The following MAP2 variants were observed in gnomAD, a reference collection of about 807,000 sequenced individuals.
MAP2 encodes the protein microtubule associated protein 2, also known as microtubule-associated protein 2.
Under a neutral mutation model 137.6 loss-of-function variants are expected in MAP2, and 14 were observed. The ratio of observed to expected loss-of-function variants is 0.10; its 90% CI spans 0.07 to 0.16. The LOEUF (loss-of-function observed/expected upper bound fraction) is 0.16, where lower values mean the gene tolerates loss of function less well. MAP2 is among the 10% of genes least tolerant of loss of function. The pLI, the probability that MAP2 is intolerant of heterozygous loss-of-function variation, is 1.00. For missense variants in MAP2, 2,088 were observed against 2,191.5 expected (o/e 0.95, Z 0.94); for synonymous variants, 786 against 782.3 (o/e 1.00, Z -0.08).
At chr2:209,434,889 A>C (rs1695437708) in intron 1 of MAP2, among the ~76,000 whole-genome samples, 2 of 137,758 alleles carry the variant, frequency 1.5e-5, no homozygotes, top group African/African-American at 5.7e-5. Flanking sequence ...TATATGTTAT[A>C]TATATGTTAT....
chr2:209,614,645 C>G (rs1044096455), intron 3 of MAP2, among the ~76,000 whole-genome samples: 1 of 152,080 alleles, frequency 6.6e-6, no homozygotes, highest in Non-Finnish European at 1.5e-5. Context: ...TTAAGAGAAA[C>G]TCACTTTTTA....
intron 1 of MAP2, among the ~76,000 whole-genome samples, chr2:209,487,837 C>T (rs1255049541): frequency 6.6e-6 from 1 of 151,894 alleles, no homozygotes; most frequent in African/African-American, 2.4e-5. Context: ...AGTAAGGTAG[C>T]CTCTTAAACT....
intron 4 of MAP2, among the ~76,000 whole-genome samples, chr2:209,640,886 T>TC (rs1437185130): frequency 6.6e-6 from 1 of 151,604 alleles, no homozygotes; most frequent in African/African-American, 2.4e-5. Flanking sequence ...TATTCTTTTT[T>TC]TTTTTTTTGT....
At chr2:209,442,009 G>T (rs1306150748) in intron 1 of MAP2, among the ~76,000 whole-genome samples, 1 of 151,364 alleles carries the variant, frequency 6.6e-6, no homozygotes, top group Admixed American at 6.6e-5. Context: ...TGTTTCCTCA[G>T]GATTGTCTAT....
chr2:209,617,717 C>G (rs1487729067), intron 3 of MAP2, among the ~76,000 whole-genome samples: 2 of 151,924 alleles, frequency 1.3e-5, no homozygotes, highest in African/African-American at 4.8e-5. Context: ...AATCACCTCC[C>G]TAAAGGCCTT....
chr2:209,696,916 G>A lies in MAP2; in HGVS notation c.4388-1G>A. 1 of 1,594,790 alleles carries A rather than the reference G, an allele frequency of 6.3e-7. No homozygotes were observed. The highest frequency in any genetic ancestry group is 8.5e-7 in the Non-Finnish European group (1 of 1,175,022). ...TGCTTTTTGTGTTTTCTTATTCATA[G>A]CAGTTTATAAGAAGGCTGAACTTGC... On this transcript the variant is annotated splice_acceptor_variant, in intron 9 of 15. Transcript: ENST00000682079. LOFTEE classifies it high-confidence loss of function.
rs778357633 is a variant in MAP2 at position 209,710,069 on chromosome 2, G to A, written c.4888G>A (p.Gly1630Arg). ...CTATCCCAGGACCCCTCACACACCA[G>A]GAACCCCCAAGTCTGCCATCTTGGT... The part of the protein sequence containing the change: ...PSYPRTPHTP[G>R]TPKSAILVPS... Residue 1630 changes from glycine to arginine, a missense_variant, in exon 13 of 16, where the codon GGA becomes AGA. Gly to Arg is a moderately radical substitution (Grantham distance 125, BLOSUM62 -2). Coordinates refer to ENST00000682079, the MANE Select transcript of MAP2 (RefSeq NM_001375505.1). 12 of 1,613,910 alleles carry A rather than the reference G, an allele frequency of 7.4e-6. No homozygotes were observed. The South Asian group carries it at 1.3e-4, about 18-fold the overall frequency.
chr2:209,703,480 A>T (rs2062374749), intron 11 of MAP2, among the ~76,000 whole-genome samples: 1 of 152,076 alleles, frequency 6.6e-6, no homozygotes, highest in Non-Finnish European at 1.5e-5. Flanking sequence ...TCATTATAAA[A>T]CTTATGAATT....
intron 1 of MAP2, among the ~76,000 whole-genome samples, chr2:209,465,183 T>C (rs1009825753): frequency 1.3e-5 from 2 of 152,070 alleles, no homozygotes; most frequent in Non-Finnish European, 2.9e-5. Context: ...TGGTTAGGAC[T>C]AAGGTCTAAA....
Position 209,424,106 on chromosome 2 carries a change from A to ATCC in MAP2, c.-389_-387dup, listed in dbSNP as rs1316872387. 6.1e-6 allele frequency: 1 copy of ATCC among 162,852 alleles called. No homozygotes were observed. The highest frequency in any genetic ancestry group is 1.3e-5 in the Non-Finnish European group (1 of 76,242). The allele number at this position is 162,852 out of a possible 1,614,324, so 10.1% of individuals were successfully genotyped here. On this transcript the variant is annotated 5_prime_UTR_variant, in exon 1 of 16. Coordinates refer to ENST00000682079, the MANE Select transcript of MAP2 (RefSeq NM_001375505.1). ...GGGCAGCAGCAGCAGCAGCAGCAGC[A>ATCC]TCCTCTCTTCCTTTACTTCCCTTCC...
intron 4 of MAP2, among the ~76,000 whole-genome samples, chr2:209,626,139 C>A (rs1014983748): frequency 1.3e-5 from 2 of 151,896 alleles, no homozygotes; most frequent in Non-Finnish European, 2.9e-5. Context: ...TATTATAGGC[C>A]GGGTGTGGTG....
chr2:209,512,671 T>C (rs910624845), intron 2 of MAP2, among the ~76,000 whole-genome samples: 6 of 151,990 alleles, frequency 3.9e-5, no homozygotes, highest in African/African-American at 1.5e-4. Flanking sequence ...AGATAGGGCC[T>C]CACTCTGTTG....
At chr2:209,624,783 A>T (rs2091973424) in intron 3 of MAP2, among the ~76,000 whole-genome samples, 2 of 152,222 alleles carry the variant, frequency 1.3e-5, no homozygotes, top group Admixed American at 1.3e-4. Context: ...TGGATGTAAT[A>T]CCTATAAAGT....
At chr2:209,591,671 C>A (rs1302115944) in intron 3 of MAP2, among the ~76,000 whole-genome samples, 2 of 152,144 alleles carry the variant, frequency 1.3e-5, no homozygotes, top group Non-Finnish European at 2.9e-5. Context: ...AATCTCACAT[C>A]CCAGTGAAAA....
chr2:209,488,950 C>T (rs1162996622), intron 1 of MAP2, among the ~76,000 whole-genome samples: 1 of 152,238 alleles, frequency 6.6e-6, no homozygotes, highest in African/African-American at 2.4e-5. Context: ...AAGGGACAGA[C>T]TGCCTCCTCA....
At chr2:209,450,089 G>A (rs1297916546) in intron 1 of MAP2, among the ~76,000 whole-genome samples, 1 of 151,982 alleles carries the variant, frequency 6.6e-6, no homozygotes, top group African/African-American at 2.4e-5. Context: ...CTACAGACAT[G>A]TACCACCACG....
Position 209,695,715 on chromosome 2 carries a change from C to T in MAP2, c.3545C>T (p.Ala1182Val). 6.2e-7 allele frequency: 1 copy of T among 1,614,044 alleles called. No individual in the cohort carries two copies. Among genetic ancestry groups the T allele is most frequent in the Non-Finnish European group, 8.5e-7 (1 of 1,179,990 alleles). The change falls in exon 8 of 16, where the codon GCT becomes GTT. Residue 1182 changes from alanine (A) to valine (V), a missense_variant. Around this residue, in one of 6 missense-constraint regions of MAP2, gnomAD observed 591 missense variants for 642.6 expected, o/e 0.92. Transcript: ENST00000682079. ...CCTTGCCCACCTGCTGTTTCAGAGG[C>T]TGATTTAGCCACAGATGAGAGAGCT... ...EIPCPPAVSE[A>V]DLATDERADV...
At chr2:209,592,345 A>G (rs2079490002) in intron 3 of MAP2, among the ~76,000 whole-genome samples, 1 of 152,152 alleles carries the variant, frequency 6.6e-6, no homozygotes, top group Non-Finnish European at 1.5e-5. Flanking sequence ...TATTTGGCCC[A>G]CAAGTCATGA....
chr2:209,473,348 G>A (rs190606510), intron 1 of MAP2, among the ~76,000 whole-genome samples: 3 of 152,220 alleles, frequency 2.0e-5, no homozygotes, highest in East Asian at 3.9e-4. Flanking sequence ...GAGTAGAAAT[G>A]TTGCTTTCCT....
Sources: allele counts gnomAD v4.1 joint callset (sites outside exome capture counted in the v4.1 genomes callset), GRCh38; gene constraint gnomAD v4.1.1; regional missense constraint gnomAD v4.1.1; transcripts MANE v1.5; gene names NCBI Gene and HGNC (gene_info 2026-07-23, HGNC 2026-07-21).